Variants in LRRC57 observed in about 807,000 individuals in gnomAD.
LRRC57 encodes the protein leucine rich repeat containing 57.
In LRRC57, 14 loss-of-function variants were observed where a neutral mutation model predicts 23.1. That is an observed-to-expected ratio of 0.61 (90% CI 0.40 to 0.95). The LOEUF (loss-of-function observed/expected upper bound fraction) is 0.95, where lower values mean the gene tolerates loss of function less well. LRRC57 is among the 40% of genes least tolerant of loss of function. The probability of loss-of-function intolerance (pLI) is 0.00; values close to 1 mark genes in which losing one functional copy is unlikely to be tolerated. For synonymous variants in LRRC57, 106 were observed against 115.2 expected (o/e 0.92, Z 0.51); for missense variants, 236 against 284.4 (o/e 0.83, Z 1.22).
chr15:42,528,950 A>C, the LRRC57 span, among the ~76,000 whole-genome samples: 1 of 152,298 alleles, frequency 6.6e-6, no homozygotes, highest in African/African-American at 2.4e-5. Context: ...TATACTTTTC[A>C]GTACTTTCCA....
At chr15:42,531,307 G>A in the LRRC57 span, 6 of 627,732 alleles carry the variant, frequency 9.6e-6, no homozygotes, top group African/African-American at 3.7e-5. Context: ...GTAACTTCAC[G>A]TGGTTTCTTG....
downstream of LRRC57, among the ~76,000 whole-genome samples, chr15:42,533,769 A>G (rs929851984): frequency 6.6e-6 from 1 of 152,248 alleles, no homozygotes; most frequent in Non-Finnish European, 1.5e-5. Flanking sequence ...CTGAGGGTTC[A>G]GTTCTAGACC....
At position 42,543,010 on chromosome 15, in the gene LRRC57, A is replaced by ATAAGCATG; in HGVS notation, c.*1072_*1073insCATGCTTA. 1 of 151,064 alleles carries ATAAGCATG rather than the reference A, an allele frequency of 6.6e-6. No homozygotes were observed. The highest frequency in any genetic ancestry group is 2.1e-4 in the South Asian group (1 of 4,772). The allele number at this position is 151,064 out of a possible 1,614,324, so 9.4% of individuals were successfully genotyped here. A position where few individuals can be genotyped will look rare whatever the true frequency, so the allele number is the denominator to read the frequency against. ...CTCAGCCTCCCAAGTAGCTGGGATT[A>ATAAGCATG]CAGGTACCCACCACCACGCCCAGCT... On this transcript the variant is annotated 3_prime_UTR_variant, in exon 6 of 6. Coordinates refer to ENST00000397130, the MANE Select transcript of LRRC57 (RefSeq NM_153260.3).
At position 42,544,011 on chromosome 15, in the gene LRRC57, C is replaced by T; in HGVS notation, c.*72G>A. ...AGATACCCCTAACAACAACAGGAGGCTTTGACTCAGCCACATTCCAACAGA... is the reference window on the plus strand; with the variant it reads ...AGATACCCCTAACAACAACAGGAGGTTTTGACTCAGCCACATTCCAACAGA... On this transcript the variant is annotated 3_prime_UTR_variant, in exon 6 of 6. Coordinates refer to ENST00000397130, the MANE Select transcript of LRRC57 (RefSeq NM_153260.3). 2 of 1,295,500 alleles carry T rather than the reference C, an allele frequency of 1.5e-6. No individual in the cohort carries two copies. Among genetic ancestry groups the T allele is most frequent in the East Asian group, 2.3e-5 (1 of 42,928 alleles). The allele number at this position is 1,295,500 out of a possible 1,614,324, so 80.3% of individuals were successfully genotyped here.
downstream of LRRC57, among the ~76,000 whole-genome samples, chr15:42,536,985 A>G (rs2057603439): frequency 6.6e-6 from 1 of 152,064 alleles, no homozygotes; most frequent in African/African-American, 2.4e-5. Context: ...TTCAGTTTTA[A>G]TTCATCTTTT....
At chr15:42,548,569 C>A (rs2057679002) in intron 1 of LRRC57, 113 bp from the exon 2 acceptor site, 1 of 798,656 alleles carries the variant, frequency 1.3e-6, no homozygotes, top group Non-Finnish European at 2.0e-6. Context: ...GGGCCCGACC[C>A]AAGAGCGACA....
chr15:42,532,473 C>T, the LRRC57 span: 2 of 152,280 alleles, frequency 1.3e-5, no homozygotes, highest in Non-Finnish European at 2.9e-5. Flanking sequence ...TTGCACCATT[C>T]AGGAACACTT....
At chr15:42,544,189 A>ATT in intron 5 of LRRC57, 65 bp from the exon 6 acceptor site, 19 of 1,257,024 alleles carry the variant, frequency 1.5e-5, no homozygotes, top group Non-Finnish European at 1.6e-5. Context: ...AAGCCTAACT[A>ATT]TTTTTTTTTT....
rs2057652451 is a variant in LRRC57 at position 42,545,084 on chromosome 15, T to C, written c.671A>G (p.Tyr224Cys). 1 of 1,595,778 alleles carries C rather than the reference T, an allele frequency of 6.3e-7. No homozygotes were observed. Among genetic ancestry groups the C allele is most frequent in the South Asian group, 1.1e-5 (1 of 88,150 alleles). The stretch of plus-strand genomic sequence containing the variant: ...AAGTACATTAATTCATACCTTATCA[T>C]AGCCTTCCAGTTCTCGAAGTTTCTT... ...EIKKLRELEG[Y>C]DKYMERFTAT... Residue 224 changes from tyrosine to cysteine, a missense_variant, in exon 5 of 6, where the codon TAT (tyrosine) becomes TGT (cysteine). Transcript: ENST00000397130.
Position 42,547,319 on chromosome 15 carries a change from C to A in LRRC57, c.434G>T (p.Ser145Ile), listed in dbSNP as rs147281575. The A allele has an allele frequency of 7.4e-6, 12 of 1,614,090 alleles. No homozygotes were observed. In the African/African-American group the frequency reaches 1.6e-4, roughly 22 times the overall value. Residue 145 changes from serine to isoleucine, a missense_variant, in exon 4 of 6, where the codon AGT becomes ATT. Transcript: ENST00000397130. ...VMDLSKNQIR[S>I]IPDSVGELQV... ...CAGCTCTCCCACTGAGTCAGGTATA[C>A]TTCGAATCTGGTTCTTAGAGAGATC... is the stretch of plus-strand genomic sequence containing the variant.
the LRRC57 span, chr15:42,531,487 C>A: frequency 6.3e-7 from 1 of 1,592,118 alleles, no homozygotes; most frequent in Non-Finnish European, 8.6e-7. Context: ...AAAGCTACTG[C>A]TGTTCTTCTT....
chr15:42,545,325 T>A, intron 4 of LRRC57, 63 bp from the exon 5 acceptor site: 1 of 1,187,126 alleles, frequency 8.4e-7, no homozygotes, highest in Non-Finnish European at 1.1e-6. Context: ...TTACTTTTAG[T>A]ACATTAAAAC....
chr15:42,536,473 CTG>C (rs1207639590), downstream of LRRC57, among the ~76,000 whole-genome samples: 9 of 152,188 alleles, frequency 5.9e-5, no homozygotes, highest in African/African-American at 1.7e-4. Flanking sequence ...TCAAGCATCT[CTG>C]TGAATTTGAT....
downstream of LRRC57, among the ~76,000 whole-genome samples, chr15:42,533,332 A>G (rs940775163): frequency 3.3e-5 from 5 of 152,232 alleles, no homozygotes; most frequent in African/African-American, 1.2e-4. Flanking sequence ...CTGGAAGGGT[A>G]ATGGTTCTGT....
chr15:42,528,647 G>A, the LRRC57 span, among the ~76,000 whole-genome samples: 9 of 152,034 alleles, frequency 5.9e-5, no homozygotes, highest in African/African-American at 1.2e-4. Flanking sequence ...GTGCAGTGGC[G>A]TGATCTCAGC....
At chr15:42,544,836 C>CTATATATATAT (rs1256583979) in intron 5 of LRRC57, among the ~76,000 whole-genome samples, 1,231 of 103,410 alleles carry the variant, frequency 0.012, 36 homozygotes, top group African/African-American at 0.061. Context: ...CACACACACA[C>CTATATATATAT]ACACACTATA....
the LRRC57 span, among the ~76,000 whole-genome samples, chr15:42,530,423 G>A: frequency 6.6e-6 from 1 of 152,102 alleles, no homozygotes; most frequent in Non-Finnish European, 1.5e-5. Context: ...TATAAATATA[G>A]TGAAAGCGAA....
In LRRC57 at chr15:42,547,275, G is replaced by C. The variant is rs758591151; in HGVS notation, c.478C>G (p.Leu160Val). The C allele has an allele frequency of 6.2e-7, 1 of 1,614,078 alleles. No individual in the cohort carries two copies. Among genetic ancestry groups the C allele is most frequent in the South Asian group, 1.1e-5 (1 of 91,036 alleles). Residue 160 changes from leucine to valine, a missense_variant, in exon 4 of 6, where the codon CTC becomes GTC. By Grantham distance (32) the Leu-to-Val change is conservative. Coordinates refer to ENST00000397130, the MANE Select transcript of LRRC57 (RefSeq NM_153260.3). ...VGELQVIELN[L>V]NQNQISQISV... ...AAGCTCTAGACCTGATTCTGGTTGA[G>C]GTTGAGTTCGATGACTTGCAGCTCT...
chr15:42,535,463 T>G (rs894029608), downstream of LRRC57, among the ~76,000 whole-genome samples: 1 of 151,844 alleles, frequency 6.6e-6, no homozygotes. Context: ...TTTTTTTTTT[T>G]GAGACAGAGT....
Sources: allele counts gnomAD v4.1 joint callset (sites outside exome capture counted in the v4.1 genomes callset), GRCh38; gene constraint gnomAD v4.1.1; transcripts MANE v1.5; gene names NCBI Gene and HGNC (gene_info 2026-07-23, HGNC 2026-07-21).